Variants in PRCP observed in about 807,000 individuals in gnomAD.
PRCP encodes the protein prolylcarboxypeptidase, also known as lysosomal Pro-X carboxypeptidase.
A neutral mutation model predicts 54.2 loss-of-function variants in PRCP; 46 were observed. That is an observed-to-expected ratio of 0.85 (90% CI 0.67 to 1.09). The LOEUF is 1.09. Ranked by LOEUF, PRCP falls within the 50% of genes least tolerant of loss-of-function variation. The pLI is 0.00. For synonymous variants in PRCP, 240 were observed against 212.2 expected (o/e 1.13, Z -1.14); for missense variants, 613 against 596.8 (o/e 1.03, Z -0.28).
At chr11:82,885,391 C>A (rs187392612) in intron 1 of PRCP, among the ~76,000 whole-genome samples, 2 of 152,212 alleles carry the variant, frequency 1.3e-5, no homozygotes, top group East Asian at 1.9e-4. Context: ...AGATTATAAA[C>A]CCACATCTCA....
rs79557308 is a variant in PRCP, at chr11:82,838,583, C to A, written c.1087-9G>T. On this transcript the variant is annotated splice_polypyrimidine_tract_variant and intron_variant, in intron 7 of 8. Coordinates refer to ENST00000313010, the MANE Select transcript of PRCP (RefSeq NM_005040.4). ...ACTACTTCTGTGCAGGCCTAAGAAG[C>A]AAACCAAGAGAGAATCCAATTAGAA... 1.3e-5 allele frequency: 21 copies of A among 1,602,410 alleles called. No individual in the cohort carries two copies. The highest frequency in any genetic ancestry group is 1.8e-5 in the Non-Finnish European group (21 of 1,175,458).
chr11:82,830,065 A>T (rs562801896), intron 8 of PRCP: 4 of 152,340 alleles, frequency 2.6e-5, no homozygotes, highest in Non-Finnish European at 5.9e-5. Flanking sequence ...TCACTGGATT[A>T]TAGAAAAAAA....
chr11:82,883,201 C>G (rs998751864), intron 1 of PRCP, among the ~76,000 whole-genome samples: 1 of 152,072 alleles, frequency 6.6e-6, no homozygotes, highest in Non-Finnish European at 1.5e-5. Context: ...GTAGCAGCAT[C>G]GAAGTAGCTA....
intron 6 of PRCP, among the ~76,000 whole-genome samples, chr11:82,844,087 A>T (rs1858742663): frequency 6.6e-6 from 1 of 152,120 alleles, no homozygotes; most frequent in African/African-American, 2.4e-5. Flanking sequence ...ATTACATAAT[A>T]ATAATAGCTA....
chr11:82,900,501 C>T (rs1036398781), upstream of PRCP: 1 of 1,459,778 alleles, frequency 6.9e-7, no homozygotes, highest in African/African-American at 1.4e-5. Context: ...CCGCCCGCCG[C>T]AAAACAGCTC....
At chr11:82,834,719 G>C (rs74422678) in intron 8 of PRCP, among the ~76,000 whole-genome samples, 21,843 of 152,234 alleles carry the variant, frequency 0.14, 1,661 homozygotes, top group Middle Eastern at 0.2. Context: ...TGGATACAGG[G>C]AGGGGAACAA....
At chr11:82,899,082 G>C (rs1316362420) in intron 1 of PRCP, among the ~76,000 whole-genome samples, 1 of 152,186 alleles carries the variant, frequency 6.6e-6, no homozygotes, top group Non-Finnish European at 1.5e-5. Context: ...ATAAGGGCTG[G>C]GCTCAGTGGC....
chr11:82,823,862 T>G lies in PRCP; in HGVS notation c.*1044A>C, dbSNP rs1377307633. The G allele has an allele frequency of 6.6e-6, 1 of 152,236 alleles. No individual in the cohort carries two copies. Among genetic ancestry groups the G allele is most frequent in the Non-Finnish European group, 1.5e-5 (1 of 68,032 alleles). The allele number at this position is 152,236 out of a possible 1,614,324, so 9.4% of individuals were successfully genotyped here. On this transcript the variant is annotated 3_prime_UTR_variant, in exon 9 of 9. Transcript: ENST00000313010. ...GGCCATTTATTAATGTCAAATATGC[T>G]GCCTGCATGAATTAGTCAGCTTGTC... is the stretch of plus-strand genomic sequence containing the variant.
rs910517365 is a variant in PRCP, at chr11:82,838,397, T to C, written c.1264A>G (p.Ile422Val). ...ACAGCAAAAACTCACCTGAAAACAA[T>C]GTTTGTGTGTGAACTAATGTTTTTG... ...GGKNISSHTN[I>V]VFSNGELDPW... The change falls in exon 8 of 9, where the codon ATT (isoleucine) becomes GTT (valine). Residue 422 changes from isoleucine (I) to valine (V), a missense_variant. Transcript: ENST00000313010. The C allele has an allele frequency of 6.2e-7, 1 of 1,605,700 alleles. No homozygotes were observed. The highest frequency in any genetic ancestry group is 8.5e-7 in the Non-Finnish European group (1 of 1,176,696).
At position 82,860,058 on chromosome 11, in the gene PRCP, A is replaced by G; in HGVS notation, c.228T>C (p.Asp76=). Residue 76 remains aspartate, a synonymous_variant, in exon 2 of 9, where the codon GAT becomes GAC. Coordinates refer to ENST00000313010, the MANE Select transcript of PRCP (RefSeq NM_005040.4). ...ATCCACCATTTTTCTTCCAGTATTT[A>G]TCAGCTACTAGGTACCGCTGATTAA... ...KTFNQRYLVA[D]KYWKKNGGSI... 1 of 1,589,962 alleles carries G rather than the reference A, an allele frequency of 6.3e-7. No individual in the cohort carries two copies.
intron 1 of PRCP, chr11:82,884,805 GA>G (rs1158633031): frequency 1.2e-6 from 2 of 1,609,822 alleles, no homozygotes; most frequent in South Asian, 1.1e-5. Flanking sequence ...AATGCAGAAT[GA>G]AAAAAATAAC....
chr11:82,844,485 C>T (rs1023846315), intron 6 of PRCP, among the ~76,000 whole-genome samples: 1 of 151,482 alleles, frequency 6.6e-6, no homozygotes, highest in African/African-American at 2.4e-5. Context: ...GCCTGTAATC[C>T]CAGCACTTTG....
intron 8 of PRCP, chr11:82,830,403 G>A (rs1172066741): frequency 6.6e-6 from 1 of 152,112 alleles, no homozygotes; most frequent in Non-Finnish European, 1.5e-5. Context: ...CGAGGTGGAT[G>A]GGTCACTTGA....
In PRCP at chr11:82,849,084, T is replaced by C; in HGVS notation, c.886A>G (p.Asn296Asp). The change falls in exon 6 of 9, where the codon AAC becomes GAC. Residue 296 changes from asparagine (N) to aspartate (D), a missense_variant. Asn to Asp is a conservative substitution (Grantham distance 23). Transcript: ENST00000313010. ...LAMVDYPYAS[N>D]FLQPLPAWPI... Reference sequence around the variant, plus strand: ...CAAGCAGGCAAAGGCTGTAAAAAGTTAGAGGCATAAGGATAGTCCACCATT... The same window carrying C: ...CAAGCAGGCAAAGGCTGTAAAAAGTCAGAGGCATAAGGATAGTCCACCATT... 3 of 1,614,022 alleles carry C rather than the reference T, an allele frequency of 1.9e-6. No individual in the cohort carries two copies. The highest frequency in any genetic ancestry group is 2.5e-6 in the Non-Finnish European group (3 of 1,179,916).
rs148531925 is a variant in PRCP, at chr11:82,835,751, T to A, written c.1274+2636A>T. On this transcript the variant is annotated intron_variant, in intron 8 of 8. Transcript: ENST00000313010. The stretch of plus-strand genomic sequence containing the variant: ...GAAGAAAAAGGAGAAAAAAAAGACA[T>A]TTGATGCTGATAAAGCTGAAGAAGT... The A allele has an allele frequency of 2.3e-4, 85 of 376,464 alleles. No homozygotes were observed. In the East Asian group the frequency reaches 5.9e-3, roughly 26 times the overall value. The allele number at this position is 376,464 out of a possible 1,614,324, so 23.3% of individuals were successfully genotyped here.
chr11:82,846,683 G>A (rs1320495520), intron 6 of PRCP, among the ~76,000 whole-genome samples: 2 of 152,170 alleles, frequency 1.3e-5, no homozygotes, highest in African/African-American at 2.4e-5. Context: ...TAAAAGGATT[G>A]CAGTAAATCA....
chr11:82,876,644 C>T (rs1395180493), intron 1 of PRCP, among the ~76,000 whole-genome samples: 1 of 152,176 alleles, frequency 6.6e-6, no homozygotes, highest in East Asian at 1.9e-4. Context: ...TCCGCTTTTG[C>T]TTCTTCCTCA....
rs561813261 is a variant in PRCP at position 82,876,541 on chromosome 11, G to A, written c.169-16424C>T. On this transcript the variant is annotated intron_variant, in intron 1 of 8. Transcript: ENST00000313010. Reference sequence around the variant, plus strand: ...CCCACGTGTTGTGGGAGAGACCGGGGGGAGGTTACTGAATCATGGGGGCCA... The same window carrying A: ...CCCACGTGTTGTGGGAGAGACCGGGAGGAGGTTACTGAATCATGGGGGCCA... 2.6e-5 allele frequency among the ~76,000 whole-genome samples: 4 copies of A among 152,268 alleles called. No individual in the cohort carries two copies. The East Asian group carries it at 7.7e-4, about 29-fold the overall frequency.
At chr11:82,835,942 C>T in intron 8 of PRCP, 1 of 319,976 alleles carries the variant, frequency 3.1e-6, no homozygotes, top group Admixed American at 3.7e-5. Flanking sequence ...CCTGTAGTCC[C>T]AGCAATTTGG....
Sources: gnomAD v4.1 joint callset for allele counts (sites outside exome capture counted in the v4.1 genomes callset) on GRCh38, gnomAD v4.1.1 for gene constraint, MANE v1.5 for transcripts, NCBI Gene and HGNC (gene_info 2026-07-23, HGNC 2026-07-21) for gene names.